The following ZNF687 variants were observed in gnomAD, a reference collection of about 807,000 sequenced individuals.
ZNF687 encodes zinc finger protein 687.
ZNF687 carries 13 observed loss-of-function variants against 71.8 expected under a neutral mutation model. The observed-to-expected ratio is 0.18, with a 90% CI of 0.12 to 0.29. ZNF687 has a LOEUF of 0.29. Among genes scored for constraint, ZNF687 ranks in the 10% least tolerant of loss-of-function variants. The probability of loss-of-function intolerance (pLI) is 1.00; values close to 1 mark genes in which losing one functional copy is unlikely to be tolerated. For synonymous variants in ZNF687, 673 were observed against 641.6 expected (o/e 1.05, Z -0.74); for missense variants, 1,412 against 1,625.6 (o/e 0.87, Z 2.26).
rs76680844 is a variant in ZNF687 at position 151,291,219 on chromosome 1, C to G, written c.*10C>G. ...TGTTGGGGACAACTAGTCTCCAAGG[C>G]CTGGGACTGACCAGCCCCTTCCTCT... On this transcript the variant is annotated 3_prime_UTR_variant, in exon 9 of 9. Coordinates refer to ENST00000336715, the MANE Select transcript of ZNF687 (RefSeq NM_020832.3). 2.3e-3 allele frequency: 3,641 copies of G among 1,598,246 alleles called. 80 individuals are homozygous for G. The African/African-American group carries it at 0.042, about 19-fold the overall frequency.
chr1:151,281,902 C>A, upstream of ZNF687: 1 of 719,762 alleles, frequency 1.4e-6, no homozygotes, highest in South Asian at 1.8e-5. Context: ...TGAACTGCAG[C>A]TTCAAGCTTC....
At chr1:151,282,142 C>G, upstream of ZNF687, 4 of 1,206,544 alleles carry the variant, frequency 3.3e-6, no homozygotes, top group Non-Finnish European at 4.3e-6. Flanking sequence ...GGGGCTAGTT[C>G]CGAGCGGCAG....
intron 1 of ZNF687, chr1:151,284,203 T>C: frequency 2.0e-6 from 2 of 984,978 alleles, no homozygotes; most frequent in Non-Finnish European, 2.4e-6. Flanking sequence ...GGAGCAGAAA[T>C]GATGGGTGAG....
chr1:151,290,919 T>C lies in ZNF687; in HGVS notation c.3424T>C (p.Leu1142=). Reference sequence around the variant, plus strand: ...TGCCCAGCAGTGCCTCGACTGTGGCTTGTGCTTTGCCTCCCCTGGCTCCCT... The same window carrying C: ...TGCCCAGCAGTGCCTCGACTGTGGCCTGTGCTTTGCCTCCCCTGGCTCCCT... ...DGAQQCLDCG[L]CFASPGSLSR... The change falls in exon 9 of 9, where the codon TTG becomes CTG. Residue 1142 remains leucine, a synonymous_variant. Transcript: ENST00000336715. The C allele has an allele frequency of 6.2e-7, 1 of 1,613,906 alleles. No individual in the cohort carries two copies. Among genetic ancestry groups the C allele is most frequent in the African/African-American group, 1.3e-5 (1 of 75,014 alleles).
rs777339576 is a variant in ZNF687 at position 151,291,183 on chromosome 1, C to T, written c.3688C>T (p.Arg1230Trp). ...GCATGGCATGGCGTTCATCAGGGCT[C>T]GGCAGGGGGCTGTTGGGGACAACTA... ...RTHGMAFIRA[R>W]QGAVGDN Residue 1230 changes from arginine (R) to tryptophan (W), a missense_variant, in exon 9 of 9, where the codon CGG becomes TGG. Coordinates refer to ENST00000336715, the MANE Select transcript of ZNF687 (RefSeq NM_020832.3). The T allele has an allele frequency of 5.1e-5, 82 of 1,611,990 alleles. No homozygotes were observed. The highest frequency in any genetic ancestry group is 3.3e-4 in the Admixed American group (20 of 59,950).
rs919553685 is a variant in ZNF687 at position 151,289,726 on chromosome 1, G to A, written c.2683G>A (p.Gly895Arg). 10 of 1,560,372 alleles carry A rather than the reference G, an allele frequency of 6.4e-6. No homozygotes were observed. Among genetic ancestry groups the A allele is most frequent in the Admixed American group, 1.9e-5 (1 of 51,784 alleles). ...GGAGGAGACTGCTGGGAAAGGGGCCGGGGGTGCCCTGCTGACCCCCAAGAC... is the reference window on the plus strand; with the variant it reads ...GGAGGAGACTGCTGGGAAAGGGGCCAGGGGTGCCCTGCTGACCCCCAAGAC... ...RLEETAGKGAGGALLTPKTEP... is the reference protein window; with the variant it reads ...RLEETAGKGARGALLTPKTEP... Residue 895 changes from glycine to arginine, a missense_variant, in exon 6 of 9, where the codon GGG becomes AGG. Gly to Arg is a moderately radical substitution (Grantham distance 125). Transcript: ENST00000336715.
Position 151,291,482 on chromosome 1 carries a change from T to A in ZNF687, c.*273T>A. On this transcript the variant is annotated 3_prime_UTR_variant, in exon 9 of 9. Coordinates refer to ENST00000336715, the MANE Select transcript of ZNF687 (RefSeq NM_020832.3). ...TATGCTCCTGCTGCAGAACCCCCAGTGTGGGCCTGGGGGTGGGAGGATGGG... is the reference window on the plus strand; with the variant it reads ...TATGCTCCTGCTGCAGAACCCCCAGAGTGGGCCTGGGGGTGGGAGGATGGG... 1 of 392,632 alleles carries A rather than the reference T, an allele frequency of 2.5e-6. No homozygotes were observed. The highest frequency in any genetic ancestry group is 4.6e-6 in the Non-Finnish European group (1 of 215,190). The allele number at this position is 392,632 out of a possible 1,614,324, so 24.3% of individuals were successfully genotyped here.
At chr1:151,282,053 G>A (rs1185641575), upstream of ZNF687, 15 of 1,283,812 alleles carry the variant, frequency 1.2e-5, no homozygotes, top group African/African-American at 1.2e-4. Flanking sequence ...TGGGGCAGAC[G>A]GACCCCGGCG....
At chr1:151,282,625 G>A (rs1693764008) in intron 1 of ZNF687, among the ~76,000 whole-genome samples, 1 of 152,202 alleles carries the variant, frequency 6.6e-6, no homozygotes, top group African/African-American at 2.4e-5. Context: ...GGAGGGTCGA[G>A]AACCCCAGGT....
At position 151,290,913 on chromosome 1, in the gene ZNF687, T is replaced by C; in HGVS notation, c.3418T>C (p.Cys1140Arg). The C allele has an allele frequency of 6.2e-7, 1 of 1,613,970 alleles. No homozygotes were observed. The highest frequency in any genetic ancestry group is 8.5e-7 in the Non-Finnish European group (1 of 1,180,022). The change falls in exon 9 of 9, where the codon TGT (cysteine) becomes CGT (arginine). Residue 1140 changes from cysteine (C) to arginine (R), a missense_variant. By Grantham distance (180) the Cys-to-Arg change is radical. Coordinates refer to ENST00000336715, the MANE Select transcript of ZNF687 (RefSeq NM_020832.3). ...GGATGGTGCCCAGCAGTGCCTCGACTGTGGCTTGTGCTTTGCCTCCCCTGG... is the reference window on the plus strand; with the variant it reads ...GGATGGTGCCCAGCAGTGCCTCGACCGTGGCTTGTGCTTTGCCTCCCCTGG... ...VEDGAQQCLD[C>R]GLCFASPGSL...
At position 151,289,280 on chromosome 1, in the gene ZNF687, C is replaced by T. The variant is rs765098546; in HGVS notation, c.2471+9C>T. 79 of 1,613,084 alleles carry T rather than the reference C, an allele frequency of 4.9e-5. No individual in the cohort carries two copies. The highest frequency in any genetic ancestry group is 1.6e-4 in the Middle Eastern group (1 of 6,078). On this transcript the variant is annotated intron_variant, in intron 4 of 8. Transcript: ENST00000336715. ...CAAACTCAGCAGGCCAAGTGAGGCC[C>T]GGGGGAGGGCCGGGCTGGGCCAGGG...
chr1:151,288,890 G>C lies in ZNF687; in HGVS notation c.2294+184G>C, dbSNP rs994670406. ...TCCCCCATGGAGATGGGGGGAAGCA[G>C]GGCCACCTCTGGAGCTCCAGCTCTC... On this transcript the variant is annotated intron_variant, in intron 3 of 8. Coordinates refer to ENST00000336715, the MANE Select transcript of ZNF687 (RefSeq NM_020832.3). 2.0e-5 allele frequency among the ~76,000 whole-genome samples: 3 copies of C among 152,326 alleles called. No homozygotes were observed. In the East Asian group the frequency reaches 5.8e-4, roughly 29 times the overall value.
chr1:151,286,995 C>G lies in ZNF687; in HGVS notation c.704C>G (p.Ala235Gly), dbSNP rs1693975700. The G allele has an allele frequency of 1.2e-6, 2 of 1,601,874 alleles. No homozygotes were observed. Among genetic ancestry groups the G allele is most frequent in the East Asian group, 2.2e-5 (1 of 44,672 alleles). ...SCSPHHPQVL[A>G]QQGSGSSPKA... ...AGCCCCCATCATCCCCAGGTCCTAG[C>G]CCAACAAGGCTCAGGCTCCAGCCCT... Residue 235 changes from alanine to glycine, a missense_variant, in exon 2 of 9, where the codon GCC becomes GGC. Physicochemically the swap from Ala to Gly is moderately conservative, Grantham distance 60. Around this residue, in one of 8 missense-constraint regions of ZNF687, gnomAD observed 490 missense variants for 489.9 expected, o/e 1.00. Coordinates refer to ENST00000336715, the MANE Select transcript of ZNF687 (RefSeq NM_020832.3).
rs1372665851 is a variant in ZNF687 at position 151,287,621 on chromosome 1, C to T, written c.1330C>T (p.Leu444=). 1.9e-6 allele frequency: 3 copies of T among 1,613,204 alleles called. No individual in the cohort carries two copies. The highest frequency in any genetic ancestry group is 1.1e-5 in the South Asian group (1 of 91,022). ...GATGATTGCTAAGAACGTGCTAGGC[C>T]TGGTGCCCCAAGCCCTGCCTAAGGC... ...PKMIAKNVLG[L]VPQALPKADG... Residue 444 remains leucine, a synonymous_variant, in exon 2 of 9, where the codon CTG becomes TTG. Transcript: ENST00000336715. This position sits in a 1 kb window ranked among gnomAD's most constrained non-coding sequence, Gnocchi z 5.0.
At chr1:151,283,845 G>A in intron 1 of ZNF687, 2 of 985,422 alleles carry the variant, frequency 2.0e-6, no homozygotes, top group Non-Finnish European at 2.4e-6. Context: ...CACTTGCTGG[G>A]ACTGTCTCTA....
chr1:151,290,275 G>T, intron 7 of ZNF687, 41 bp downstream of exon 7: 2 of 1,611,156 alleles, frequency 1.2e-6, no homozygotes, highest in South Asian at 2.2e-5. Context: ...CCCAGCACGT[G>T]ACTCTCCCTG....
At chr1:151,281,948 C>T, upstream of ZNF687, 1 of 1,134,606 alleles carries the variant, frequency 8.8e-7, no homozygotes, top group Non-Finnish European at 1.1e-6. Flanking sequence ...GGAGACGCAC[C>T]TGGGTGCTCC....
chr1:151,287,918 T>A lies in ZNF687; in HGVS notation c.1627T>A (p.Ser543Thr). 3 of 1,613,596 alleles carry A rather than the reference T, an allele frequency of 1.9e-6. No individual in the cohort carries two copies. Among genetic ancestry groups the A allele is most frequent in the Non-Finnish European group, 2.5e-6 (3 of 1,179,952 alleles). ...YRCLECGDAFSLEKSLARHYD... is the reference protein window; with the variant it reads ...YRCLECGDAFTLEKSLARHYD... Reference sequence around the variant, plus strand: ...CTGCCTGGAGTGTGGGGATGCCTTCTCATTGGAGAAGAGCCTGGCACGGCA... The same window carrying A: ...CTGCCTGGAGTGTGGGGATGCCTTCACATTGGAGAAGAGCCTGGCACGGCA... Residue 543 changes from serine to threonine, a missense_variant, in exon 2 of 9, where the codon TCA becomes ACA. Coordinates refer to ENST00000336715, the MANE Select transcript of ZNF687 (RefSeq NM_020832.3). This position sits in a 1 kb window ranked among gnomAD's most constrained non-coding sequence, Gnocchi z 5.0.
At position 151,289,711 on chromosome 1, in the gene ZNF687, G is replaced by A. The variant is rs1169972185; in HGVS notation, c.2668G>A (p.Ala890Thr). The A allele has an allele frequency of 6.4e-7, 1 of 1,563,386 alleles. No homozygotes were observed. The highest frequency in any genetic ancestry group is 1.9e-5 in the Admixed American group (1 of 52,028). Reference protein sequence around the residue: ...THQSGRLEETAGKGAGGALLT... With the variant: ...THQSGRLEETTGKGAGGALLT... ...TCAGTCTGGGCGCTTGGAGGAGACT[G>A]CTGGGAAAGGGGCCGGGGGTGCCCT... The change falls in exon 6 of 9, where the codon GCT (alanine) becomes ACT (threonine). Residue 890 changes from alanine to threonine, a missense_variant. This residue lies in a region of ZNF687 where 106 missense variants were observed against 146.0 expected (regional missense o/e 0.73). Transcript: ENST00000336715.
Sources: allele counts gnomAD v4.1 joint callset (sites outside exome capture counted in the v4.1 genomes callset), GRCh38; gene constraint gnomAD v4.1.1; regional missense constraint gnomAD v4.1.1; non-coding constraint Gnocchi (gnomAD v3.1); transcripts MANE v1.5; gene names NCBI Gene and HGNC (gene_info 2026-07-23, HGNC 2026-07-21).